The following TRPM7 variants were observed in gnomAD, a reference collection of about 807,000 sequenced individuals.
TRPM7 encodes transient receptor potential cation channel subfamily M member 7.
Under a neutral mutation model 229.7 loss-of-function variants are expected in TRPM7, and 134 were observed. The observed-to-expected ratio is 0.58, with a 90% CI of 0.51 to 0.67. The LOEUF (loss-of-function observed/expected upper bound fraction) is 0.67, where lower values mean the gene tolerates loss of function less well. Among genes scored for constraint, TRPM7 ranks in the 30% least tolerant of loss-of-function variants. The pLI, the probability that TRPM7 is intolerant of heterozygous loss-of-function variation, is 0.00. For synonymous variants in TRPM7, 699 were observed against 715.2 expected, an observed-to-expected ratio of 0.98 and a Z score of 0.36; for missense variants, 1,901 against 2,210.0, an observed-to-expected ratio of 0.86 and a Z score of 2.80.
intron 21 of TRPM7, 57 bp downstream of exon 21, chr15:50,604,809 G>A (rs1272489604): frequency 6.2e-6 from 9 of 1,455,648 alleles, no homozygotes; most frequent in Non-Finnish European, 7.4e-6. Context: ...TAACATTTTT[G>A]TGATTTTTTA....
Position 50,633,818 on chromosome 15 carries a change from A to G in TRPM7, c.1007+564T>C, listed in dbSNP as rs911040018. Reference sequence around the variant, plus strand: ...TCCCAGAAATGAAACTACTACGTTAAAAGATAAGTGCCTCTACGTTTGACA... The same window carrying G: ...TCCCAGAAATGAAACTACTACGTTAGAAGATAAGTGCCTCTACGTTTGACA... On this transcript the variant is annotated intron_variant, in intron 8 of 38. Transcript: ENST00000646667. 7.9e-5 allele frequency among the ~76,000 whole-genome samples: 12 copies of G among 152,352 alleles called. No individual in the cohort carries two copies. The East Asian group carries it at 2.3e-3, about 29-fold the overall frequency.
chr15:50,666,103 A>C (rs746283317), intron 1 of TRPM7, among the ~76,000 whole-genome samples: 1 of 152,222 alleles, frequency 6.6e-6, no homozygotes, highest in Non-Finnish European at 1.5e-5. Flanking sequence ...AAAGAAAAAA[A>C]TCAGTAAAAC....
chr15:50,597,427 G>C (rs7174839), intron 22 of TRPM7, among the ~76,000 whole-genome samples: 70,593 of 152,068 alleles, frequency 0.46, 16,572 homozygotes, highest in Admixed American at 0.55. Flanking sequence ...ACGGTTCTAT[G>C]ATTCCTTTAA....
chr15:50,615,499 A>C (rs932183771), intron 13 of TRPM7, among the ~76,000 whole-genome samples: 1 of 152,186 alleles, frequency 6.6e-6, no homozygotes, highest in African/African-American at 2.4e-5. Flanking sequence ...AAAATTTAAA[A>C]ACTGGTTAAT....
chr15:50,558,029 A>G lies in TRPM7; in HGVS notation c.*3649T>C, dbSNP rs936907390. 1.3e-5 allele frequency: 2 copies of G among 152,244 alleles called. No homozygotes were observed. The highest frequency in any genetic ancestry group is 2.9e-5 in the Non-Finnish European group (2 of 68,048). The allele number at this position is 152,244 out of a possible 1,614,324, so 9.4% of individuals were successfully genotyped here. A position where few individuals can be genotyped will look rare whatever the true frequency, so the allele number is the denominator to read the frequency against. Reference sequence around the variant, plus strand: ...TGAGAATAAAAAATTAAAAAGATTAAGCAAATGACACTTTCACATCATAGG... The same window carrying G: ...TGAGAATAAAAAATTAAAAAGATTAGGCAAATGACACTTTCACATCATAGG... On this transcript the variant is annotated 3_prime_UTR_variant, in exon 39 of 39. Transcript: ENST00000646667.
In TRPM7 at chr15:50,578,564, A is replaced by G; in HGVS notation, c.4618+75T>C. 15 of 1,430,634 alleles carry G rather than the reference A, an allele frequency of 1.0e-5. 1 individual carries two copies. The South Asian group carries it at 1.8e-4, about 17-fold the overall frequency. The allele number at this position is 1,430,634 out of a possible 1,614,324, so 88.6% of individuals were successfully genotyped here. ...TGAAGTCTAAAATATCTTACCTAGA[A>G]TAATGTGGTGTTTGCTGTAACAGAT... On this transcript the variant is annotated intron_variant, in intron 31 of 38. Transcript: ENST00000646667.
chr15:50,582,733 T>C (rs2054480555), intron 29 of TRPM7, among the ~76,000 whole-genome samples: 1 of 152,236 alleles, frequency 6.6e-6, no homozygotes, highest in South Asian at 2.1e-4. Flanking sequence ...TACTTGATTA[T>C]AAAGGAGTAA....
chr15:50,642,344 G>A (rs145521847), intron 5 of TRPM7, among the ~76,000 whole-genome samples: 2 of 152,284 alleles, frequency 1.3e-5, no homozygotes, highest in African/African-American at 4.8e-5. Flanking sequence ...ATTCACCTCT[G>A]CTGTTACAGC....
At chr15:50,606,557 G>T (rs1474036643) in intron 20 of TRPM7, among the ~76,000 whole-genome samples, 1 of 152,052 alleles carries the variant, frequency 6.6e-6, no homozygotes, top group African/African-American at 2.4e-5. Flanking sequence ...GGAGTGCAGT[G>T]GTGCAATCTC....
In TRPM7 at chr15:50,580,903, C is replaced by A; in HGVS notation, c.4563G>T (p.Trp1521Cys). The A allele has an allele frequency of 6.3e-7, 1 of 1,581,284 alleles. No individual in the cohort carries two copies. Among genetic ancestry groups the A allele is most frequent in the Non-Finnish European group, 8.5e-7 (1 of 1,170,218 alleles). ...VDSKAALIPDWLQDRPSNREM... is the reference protein window; with the variant it reads ...VDSKAALIPDCLQDRPSNREM... ...CTCTGTTTGATGGTCTATCTTGTAA[C>A]CAATCCTTCAGTAAAAAAAAAACAC... Residue 1521 changes from tryptophan (W) to cysteine (C), a missense_variant, in exon 30 of 39, where the codon TGG (tryptophan) becomes TGT (cysteine). Physicochemically the swap from Trp to Cys is radical, Grantham distance 215. Around this residue, in one of 8 missense-constraint regions of TRPM7, gnomAD observed 533 missense variants for 497.1 expected, o/e 1.07. Transcript: ENST00000646667.
At chr15:50,598,422 T>C (rs539901719) in intron 22 of TRPM7, among the ~76,000 whole-genome samples, 1 of 152,208 alleles carries the variant, frequency 6.6e-6, no homozygotes, top group East Asian at 1.9e-4. Context: ...ATCCAGAGAA[T>C]GTACTCACAA....
intron 4 of TRPM7, among the ~76,000 whole-genome samples, chr15:50,648,276 A>C (rs569777995): frequency 1.9e-4 from 29 of 152,350 alleles, no homozygotes; most frequent in African/African-American, 1.7e-4. Context: ...AATCCAAAAT[A>C]ATACAAGAAA....
intron 13 of TRPM7, among the ~76,000 whole-genome samples, chr15:50,616,577 A>G (rs557618025): frequency 2.0e-5 from 3 of 152,348 alleles, no homozygotes; most frequent in African/African-American, 7.2e-5. Flanking sequence ...ATGAGAAGTG[A>G]CTGCTAAAGG....
At chr15:50,618,804 T>C (rs2060306444) in intron 13 of TRPM7, among the ~76,000 whole-genome samples, 1 of 151,928 alleles carries the variant, frequency 6.6e-6, no homozygotes. Flanking sequence ...AAGTCTCCAA[T>C]GTCTATCATT....
rs1199472655 is a variant in TRPM7 at position 50,559,713 on chromosome 15, G to C, written c.*1965C>G. 1.3e-5 allele frequency: 2 copies of C among 151,994 alleles called. No homozygotes were observed. The highest frequency in any genetic ancestry group is 2.9e-5 in the Non-Finnish European group (2 of 67,994). 9.4% of individuals were successfully genotyped at this position (151,994 alleles called of 1,614,324 possible). A position where few individuals can be genotyped will look rare whatever the true frequency, so the allele number is the denominator to read the frequency against. ...TAACATTGTTATAAGGATTAAGTAG[G>C]TTAATATATGTGAAATACTTAGAGT... On this transcript the variant is annotated 3_prime_UTR_variant, in exon 39 of 39. Coordinates refer to ENST00000646667, the MANE Select transcript of TRPM7 (RefSeq NM_017672.6).
chr15:50,632,882 T>G lies in TRPM7; in HGVS notation c.1118A>C (p.Lys373Thr). 1 of 1,539,232 alleles carries G rather than the reference T, an allele frequency of 6.5e-7. No homozygotes were observed. Among genetic ancestry groups the G allele is most frequent in the East Asian group, 2.5e-5 (1 of 40,278 alleles). ...HLFQTLMECMKRKELITVFHI... is the reference protein window; with the variant it reads ...HLFQTLMECMTRKELITVFHI... ...AAATCTACTTACAAGCTCCTTTCTT[T>G]TCATGCACTCCATCAGTGTTTGAAA... Residue 373 changes from lysine (K) to threonine (T), a missense_variant, in exon 9 of 39, where the codon AAA (lysine) becomes ACA (threonine). This residue lies in a region of TRPM7 where 794 missense variants were observed against 881.9 expected (regional missense o/e 0.90). Transcript: ENST00000646667.
At chr15:50,657,944 T>C (rs17645826) in intron 2 of TRPM7, 125 bp from the exon 3 acceptor site, 243,914 of 636,044 alleles carry the variant, frequency 0.38, 50,635 homozygotes, top group Admixed American at 0.49. Flanking sequence ...TCAGTAGATA[T>C]TATAGTTCAC....
chr15:50,666,219 T>A (rs1457897492), intron 1 of TRPM7, among the ~76,000 whole-genome samples: 1 of 152,034 alleles, frequency 6.6e-6, no homozygotes, highest in African/African-American at 2.4e-5. Flanking sequence ...GGCAGATCAC[T>A]TGAGTCCAGG....
intron 19 of TRPM7, among the ~76,000 whole-genome samples, chr15:50,608,440 G>T (rs1222047262): frequency 6.6e-6 from 1 of 152,152 alleles, no homozygotes; most frequent in Admixed American, 6.5e-5. Flanking sequence ...TCTGTGGCAG[G>T]CTAGGGAGTA....
Sources: allele counts gnomAD v4.1 joint callset (sites outside exome capture counted in the v4.1 genomes callset), GRCh38; gene constraint gnomAD v4.1.1; regional missense constraint gnomAD v4.1.1; transcripts MANE v1.5; gene names NCBI Gene and HGNC (gene_info 2026-07-23, HGNC 2026-07-21).